The following XPOT variants were observed in gnomAD, a reference collection of about 807,000 sequenced individuals.
XPOT encodes exportin for tRNA.
XPOT carries 34 observed loss-of-function variants against 128.2 expected under a neutral mutation model. The observed-to-expected ratio is 0.27, with a 90% CI of 0.20 to 0.35. The LOEUF is 0.35. XPOT is among the 10% of genes least tolerant of loss of function. The probability of loss-of-function intolerance (pLI) is 1.00; values close to 1 mark genes in which losing one functional copy is unlikely to be tolerated. For synonymous variants in XPOT, 348 were observed against 394.3 expected, an observed-to-expected ratio of 0.88 and a Z score of 1.39; for missense variants, 838 against 1,125.3, an observed-to-expected ratio of 0.74 and a Z score of 3.65.
Position 64,421,313 on chromosome 12 carries a change from AAATT to A in XPOT, c.929_932del (p.Ile310ArgfsTer21). The A allele has an allele frequency of 6.2e-7, 1 of 1,614,074 alleles. No homozygotes were observed. Among genetic ancestry groups the A allele is most frequent in the Non-Finnish European group, 8.5e-7 (1 of 1,179,966 alleles). On this transcript the variant is annotated frameshift_variant, in exon 9 of 25. Transcript: ENST00000332707. LOFTEE classifies it high-confidence loss of function. ...ACAGTCATTGATAGTTAGTTGGAGT[AAATT>A]AATTAAGAATGGGGATATTAAGAAT... is the stretch of plus-strand genomic sequence containing the variant.
At chr12:64,447,992 T>C (rs991816641) in intron 24 of XPOT, 113 bp from the exon 25 acceptor site, 4 of 962,830 alleles carry the variant, frequency 4.2e-6, no homozygotes, top group African/African-American at 3.2e-5. Context: ...GCATGCGAAA[T>C]GTTCTAATGT....
chr12:64,419,849 T>G (rs761634019), intron 6 of XPOT, among the ~76,000 whole-genome samples: 6 of 152,202 alleles, frequency 3.9e-5, no homozygotes, highest in Non-Finnish European at 8.8e-5. Context: ...GCAGTGCTTT[T>G]TATAGTTTGT....
chr12:64,444,147 C>CT, intron 23 of XPOT, among the ~76,000 whole-genome samples: 1 of 152,244 alleles, frequency 6.6e-6, no homozygotes, highest in Non-Finnish European at 1.5e-5. Context: ...ACAATATTCT[C>CT]TATTAGAATT....
intron 5 of XPOT, 78 bp from the exon 6 acceptor site, chr12:64,418,798 C>T (rs2040111094): frequency 7.6e-7 from 1 of 1,323,980 alleles, no homozygotes; most frequent in Non-Finnish European, 1.1e-6. Flanking sequence ...TGAAACTTTG[C>T]CTTTTAATAA....
rs1250498537 is a variant in XPOT at position 64,431,653 on chromosome 12, G to A, written c.2092G>A (p.Asp698Asn). ...AGCCCTCAGTTGTCCCTTACAAAAG[G>A]ATATTCTCAGAAGTGGAGTCCGTAC... ...LPALSCPLQK[D>N]ILRSGVRTFL... is the part of the protein sequence containing the mutation. The change falls in exon 18 of 25, where the codon GAT (aspartate) becomes AAT (asparagine). Residue 698 changes from aspartate to asparagine, a missense_variant. Physicochemically the swap from Asp to Asn is conservative, Grantham distance 23. Coordinates refer to ENST00000332707, the MANE Select transcript of XPOT (RefSeq NM_007235.6). 6.2e-7 allele frequency: 1 copy of A among 1,613,912 alleles called. No individual in the cohort carries two copies. Among genetic ancestry groups the A allele is most frequent in the Admixed American group, 1.7e-5 (1 of 60,000 alleles).
intron 18 of XPOT, 69 bp downstream of exon 18, chr12:64,431,892 G>A (rs1023445727): frequency 9.2e-6 from 14 of 1,514,538 alleles, no homozygotes; most frequent in South Asian, 5.2e-5. Context: ...GACATGTTTC[G>A]GATTTTGCCC....
At chr12:64,412,764 C>G (rs1220903532) in intron 2 of XPOT, among the ~76,000 whole-genome samples, 1 of 152,162 alleles carries the variant, frequency 6.6e-6, no homozygotes, top group Non-Finnish European at 1.5e-5. Flanking sequence ...TCTTACAAAC[C>G]GCCCCCACTT....
chr12:64,422,859 C>T (rs1211936003), intron 9 of XPOT, 146 bp from the exon 10 acceptor site: 10 of 617,296 alleles, frequency 1.6e-5, no homozygotes, highest in Admixed American at 4.1e-5. Flanking sequence ...GCCATGACTG[C>T]GCCACTGCAC....
chr12:64,427,117 CTT>C (rs869255660), intron 15 of XPOT, among the ~76,000 whole-genome samples: 26 of 128,680 alleles, frequency 2.0e-4, no homozygotes, highest in Admixed American at 3.2e-4. Flanking sequence ...TACTCCCGAC[CTT>C]TTTTTTTTTT....
intron 23 of XPOT, among the ~76,000 whole-genome samples, chr12:64,444,416 T>C (rs577930660): frequency 4.7e-4 from 71 of 152,352 alleles, no homozygotes. Context: ...TTAAATTCCT[T>C]TGACAGATAA....
chr12:64,434,434 A>G (rs1167300842), intron 19 of XPOT, 73 bp from the exon 20 acceptor site: 3 of 1,002,306 alleles, frequency 3.0e-6, no homozygotes, highest in Non-Finnish European at 4.7e-6. Context: ...GTTAATGTAT[A>G]TGAAAAGAGA....
rs1466998444 is a variant in XPOT at position 64,418,122 on chromosome 12, T to C, written c.270+7T>C. On this transcript the variant is annotated splice_region_variant and intron_variant, in intron 5 of 24. Transcript: ENST00000332707. ...ATCATGGCTGCAAGCTCAGGTAAAA[T>C]CATAATTTCATTCAGTACCTCAAAT... 1.9e-6 allele frequency: 3 copies of C among 1,609,778 alleles called. No homozygotes were observed. In the African/African-American group the frequency reaches 4.0e-5, roughly 22 times the overall value.
chr12:64,422,902 CAAAAAAAAA>C, intron 9 of XPOT, 94 bp from the exon 10 acceptor site: 2 of 869,526 alleles, frequency 2.3e-6, no homozygotes, highest in South Asian at 3.7e-5. Flanking sequence ...GACCTTGTCT[CAAAAAAAAA>C]AAAAAAAACC....
intron 23 of XPOT, among the ~76,000 whole-genome samples, chr12:64,444,605 C>CA (rs1452531618): frequency 6.6e-6 from 1 of 152,092 alleles, no homozygotes; most frequent in Admixed American, 6.6e-5. Context: ...AAAGTAGACT[C>CA]ACCAAAGCAG....
chr12:64,433,632 C>A, intron 19 of XPOT, 29 bp downstream of exon 19: 1 of 1,552,508 alleles, frequency 6.4e-7, no homozygotes, highest in South Asian at 1.2e-5. Context: ...TCTAATTTGT[C>A]TGCTTAAGTC....
rs2040074466 is a variant in XPOT at position 64,414,952 on chromosome 12, C to G, written c.106C>G (p.Gln36Glu). The change falls in exon 3 of 25, where the codon CAG (glutamine) becomes GAG (glutamate). Residue 36 changes from glutamine to glutamate, a missense_variant. Around this residue, in one of 3 missense-constraint regions of XPOT, gnomAD observed 761 missense variants for 988.3 expected, o/e 0.77. Transcript: ENST00000332707. Reference protein sequence around the residue: ...EQLKISPDAWQVCAEALAQRT... With the variant: ...EQLKISPDAWEVCAEALAQRT... Reference sequence around the variant, plus strand: ...GTTAAAAATTTCCCCAGATGCCTGGCAGGTGTGTGCAGAAGCTCTAGCCCA... The same window carrying G: ...GTTAAAAATTTCCCCAGATGCCTGGGAGGTGTGTGCAGAAGCTCTAGCCCA... The G allele has an allele frequency of 6.2e-7, 1 of 1,613,586 alleles. No homozygotes were observed. Among genetic ancestry groups the G allele is most frequent in the Non-Finnish European group, 8.5e-7 (1 of 1,179,712 alleles).
At chr12:64,420,606 T>C in intron 8 of XPOT, 85 bp downstream of exon 8, 1 of 1,080,336 alleles carries the variant, frequency 9.3e-7, no homozygotes, top group Non-Finnish European at 1.3e-6. Flanking sequence ...TAATAGCTTT[T>C]TTTCTTCTAA....
At chr12:64,417,323 C>T (rs2040096836) in intron 4 of XPOT, among the ~76,000 whole-genome samples, 1 of 152,172 alleles carries the variant, frequency 6.6e-6, no homozygotes, top group South Asian at 2.1e-4. Context: ...GCAAGAGGAT[C>T]GTTTGAGCTC....
In XPOT at chr12:64,450,152, ACTT is replaced by A. The variant is rs1565807255; in HGVS notation, c.*2022_*2024del. ...TATGGAATTAATAGTGTATCACTATACTTTTTTTTTCTTTTTTTTTTTTGAATA... is the reference window on the plus strand; with the variant it reads ...TATGGAATTAATAGTGTATCACTATATTTTTTTCTTTTTTTTTTTTGAATA... On this transcript the variant is annotated 3_prime_UTR_variant, in exon 25 of 25. Coordinates refer to ENST00000332707, the MANE Select transcript of XPOT (RefSeq NM_007235.6). The A allele has an allele frequency of 6.6e-6, 1 of 151,950 alleles. No homozygotes were observed. Among genetic ancestry groups the A allele is most frequent in the Non-Finnish European group, 1.5e-5 (1 of 68,010 alleles). 9.4% of individuals were successfully genotyped at this position (151,950 alleles called of 1,614,324 possible).
Sources: gnomAD v4.1 joint callset for allele counts (sites outside exome capture counted in the v4.1 genomes callset) on GRCh38, gnomAD v4.1.1 for gene constraint, gnomAD v4.1.1 regional missense constraint, MANE v1.5 for transcripts, NCBI Gene and HGNC (gene_info 2026-07-23, HGNC 2026-07-21) for gene names.